The following CDK19 variants were observed in gnomAD, a reference collection of about 807,000 sequenced individuals.
CDK19 encodes cyclin dependent kinase 19.
In CDK19, 20 loss-of-function variants were observed where a neutral mutation model predicts 68.3. The ratio of observed to expected loss-of-function variants is 0.29; its 90% CI spans 0.21 to 0.43. CDK19 has a LOEUF of 0.43. Among genes scored for constraint, CDK19 ranks in the 20% least tolerant of loss-of-function variants. The probability of loss-of-function intolerance (pLI) is 1.00; values close to 1 mark genes in which losing one functional copy is unlikely to be tolerated. For missense variants in CDK19, 339 were observed against 623.5 expected (o/e 0.54, Z 4.86); for synonymous variants, 221 against 222.8 (o/e 0.99, Z 0.07).
intron 4 of CDK19, chr6:110,646,452 T>A (rs929101045): frequency 2.4e-5 from 36 of 1,498,764 alleles, no homozygotes; most frequent in Admixed American, 4.2e-5. Context: ...ATGCACCGCC[T>A]CATCCCTGAG....
At chr6:110,676,323 G>A (rs1199646190) in intron 2 of CDK19, among the ~76,000 whole-genome samples, 4 of 152,154 alleles carry the variant, frequency 2.6e-5, no homozygotes, top group African/African-American at 9.7e-5. Flanking sequence ...TCCTAAGATG[G>A]AATCTACTCC....
chr6:110,692,645 G>A (rs1020100899), intron 2 of CDK19, among the ~76,000 whole-genome samples: 3 of 152,140 alleles, frequency 2.0e-5, no homozygotes, highest in Admixed American at 6.5e-5. Flanking sequence ...AGAACTCCTG[G>A]AAAATTCATT....
At chr6:110,617,673 ACACACACAC>A (rs1174257126) in intron 12 of CDK19, among the ~76,000 whole-genome samples, 2 of 124,826 alleles carry the variant, frequency 1.6e-5, no homozygotes, top group Non-Finnish European at 1.8e-5. Context: ...ACACACACAC[ACACACACAC>A]ACACACACAC....
intron 2 of CDK19, among the ~76,000 whole-genome samples, chr6:110,740,053 ACT>A (rs1420886497): frequency 7.2e-5 from 11 of 152,034 alleles, no homozygotes; most frequent in East Asian, 3.9e-4. Flanking sequence ...AAATTAATGG[ACT>A]CTCTGCTCTT....
intron 8 of CDK19, among the ~76,000 whole-genome samples, chr6:110,625,965 C>T (rs772854152): frequency 1.3e-5 from 2 of 152,224 alleles, no homozygotes; most frequent in Non-Finnish European, 2.9e-5. Flanking sequence ...AAACACCTCA[C>T]ATGCCATCAC....
At chr6:110,732,535 C>A (rs1357851870) in intron 2 of CDK19, among the ~76,000 whole-genome samples, 1 of 151,908 alleles carries the variant, frequency 6.6e-6, no homozygotes, top group African/African-American at 2.4e-5. Flanking sequence ...GAAAAAAAGT[C>A]ATTCAAGATG....
chr6:110,770,349 T>C (rs922259982), intron 1 of CDK19, among the ~76,000 whole-genome samples: 5 of 152,308 alleles, frequency 3.3e-5, no homozygotes, highest in Middle Eastern at 3.4e-3. Flanking sequence ...CTCAGAATCA[T>C]AGCAGGAGGC....
chr6:110,691,674 G>A (rs764018673), intron 2 of CDK19, among the ~76,000 whole-genome samples: 1 of 150,762 alleles, frequency 6.6e-6, no homozygotes, highest in Non-Finnish European at 1.5e-5. Context: ...TTGAGATGGA[G>A]TCTCGCTCTG....
chr6:110,659,680 T>C (rs1781500463), intron 4 of CDK19, among the ~76,000 whole-genome samples: 1 of 152,196 alleles, frequency 6.6e-6, no homozygotes, highest in Admixed American at 6.5e-5. Context: ...ATATATCCTC[T>C]GAACTTAAGT....
At chr6:110,667,670 A>G (rs559910317) in intron 3 of CDK19, 96 bp from the exon 4 acceptor site, 34 of 586,132 alleles carry the variant, frequency 5.8e-5, no homozygotes, top group Non-Finnish European at 8.1e-5. Context: ...ATATTTTAAA[A>G]TTACTTATTA....
At chr6:110,762,077 C>T (rs1199614415) in intron 1 of CDK19, among the ~76,000 whole-genome samples, 2 of 152,118 alleles carry the variant, frequency 1.3e-5, no homozygotes, top group Non-Finnish European at 2.9e-5. Flanking sequence ...GTTCTGTGAT[C>T]TACTTTCTCA....
At position 110,611,510 on chromosome 6, in the gene CDK19, G is replaced by A. The variant is rs896965676; in HGVS notation, c.*3025C>T. The A allele has an allele frequency of 1.3e-5, 2 of 152,298 alleles. No individual in the cohort carries two copies. The highest frequency in any genetic ancestry group is 2.4e-5 in the African/African-American group (1 of 41,462). The allele number at this position is 152,298 out of a possible 1,614,324, so 9.4% of individuals were successfully genotyped here. ...TTAAAAAGGCTTTGTTCCCAACTGG[G>A]TGCGGTGGCTCACACCTATAATCCC... On this transcript the variant is annotated 3_prime_UTR_variant, in exon 13 of 13. Transcript: ENST00000368911.
chr6:110,810,974 G>A lies in CDK19; in HGVS notation c.128+4035C>T, dbSNP rs529997510. Among the ~76,000 whole-genome samples the A allele has an allele frequency of 6.6e-5, 10 of 151,194 alleles. No individual in the cohort carries two copies. The East Asian group carries it at 1.4e-3, about 21-fold the overall frequency. On this transcript the variant is annotated intron_variant, in intron 1 of 12. Transcript: ENST00000368911. ...ACTGGAGGTAAGATGGCCTTTTTTT[G>A]TTTTTCCTCCCATGGTATTAGGAAG... is the stretch of plus-strand genomic sequence containing the variant.
intron 12 of CDK19, among the ~76,000 whole-genome samples, chr6:110,619,855 G>A (rs764012641): frequency 1.3e-5 from 2 of 151,930 alleles, no homozygotes; most frequent in Non-Finnish European, 2.9e-5. Context: ...ACATGGCCCC[G>A]CCTTGAATAA....
intron 2 of CDK19, among the ~76,000 whole-genome samples, chr6:110,702,819 G>A (rs1774126650): frequency 6.6e-6 from 1 of 152,108 alleles, no homozygotes; most frequent in Non-Finnish European, 1.5e-5. Flanking sequence ...GTCATTATAA[G>A]AAGCCATTTT....
intron 2 of CDK19, among the ~76,000 whole-genome samples, chr6:110,742,561 C>T (rs1206297003): frequency 6.6e-6 from 1 of 152,100 alleles, no homozygotes; most frequent in Non-Finnish European, 1.5e-5. Context: ...TATAAACGGA[C>T]GTGCAAGTAG....
chr6:110,780,521 C>T (rs1780735970), intron 1 of CDK19, among the ~76,000 whole-genome samples: 1 of 151,562 alleles, frequency 6.6e-6, no homozygotes, highest in African/African-American at 2.4e-5. Context: ...GACGGTAATA[C>T]TTAAACTTCC....
At chr6:110,733,691 A>G (rs1417692903) in intron 2 of CDK19, among the ~76,000 whole-genome samples, 3 of 151,706 alleles carry the variant, frequency 2.0e-5, no homozygotes, top group Admixed American at 1.3e-4. Context: ...TTATTTTAAT[A>G]TATTTTATAT....
At chr6:110,765,417 G>A (rs1169463759) in intron 1 of CDK19, among the ~76,000 whole-genome samples, 3 of 151,456 alleles carry the variant, frequency 2.0e-5, no homozygotes, top group South Asian at 2.1e-4. Flanking sequence ...GGTGGCTCAC[G>A]CCTGTAATTC....
Sources: allele counts gnomAD v4.1 joint callset (sites outside exome capture counted in the v4.1 genomes callset), GRCh38; gene constraint gnomAD v4.1.1; transcripts MANE v1.5; gene names NCBI Gene and HGNC (gene_info 2026-07-23, HGNC 2026-07-21).